DOCK1: variants seen among roughly 807,000 people sequenced by gnomAD.
DOCK1 encodes the protein dedicator of cytokinesis protein 1.
Under a neutral mutation model 262.7 loss-of-function variants are expected in DOCK1, and 138 were observed. That is an observed-to-expected ratio of 0.53 (90% CI 0.46 to 0.61). The LOEUF (loss-of-function observed/expected upper bound fraction) is 0.61, where lower values mean the gene tolerates loss of function less well. Among genes scored for constraint, DOCK1 ranks in the 20% least tolerant of loss-of-function variants. The pLI, the probability that DOCK1 is intolerant of heterozygous loss-of-function variation, is 0.00. For synonymous variants in DOCK1, 866 were observed against 867.4 expected (o/e 1.00, Z 0.03); for missense variants, 1,908 against 2,370.7 (o/e 0.80, Z 4.05).
intron 23 of DOCK1, among the ~76,000 whole-genome samples, chr10:127,073,390 G>A (rs1435538170): frequency 3.3e-5 from 5 of 152,160 alleles, no homozygotes; most frequent in African/African-American, 1.2e-4. Context: ...GGCACTACTC[G>A]ACTTCAAGTC....
intron 27 of DOCK1, among the ~76,000 whole-genome samples, chr10:127,220,189 G>T (rs192868651): frequency 5.3e-4 from 81 of 151,844 alleles, no homozygotes; most frequent in African/African-American, 1.9e-3. Flanking sequence ...GAAGTTGTCT[G>T]TCTCAGTTGA....
chr10:126,975,907 C>T (rs918599574), intron 2 of DOCK1, among the ~76,000 whole-genome samples: 2 of 152,118 alleles, frequency 1.3e-5, no homozygotes, highest in Admixed American at 6.5e-5. Flanking sequence ...GAGTAAGCCA[C>T]CACTCTTGGC....
intron 31 of DOCK1, among the ~76,000 whole-genome samples, chr10:127,348,764 T>G (rs2063755518): frequency 6.6e-6 from 1 of 152,160 alleles, no homozygotes; most frequent in Admixed American, 6.5e-5. Flanking sequence ...TGCAGAATCT[T>G]CTCCAGAAGA....
Position 127,100,623 on chromosome 10 carries a change from A to G in DOCK1, c.2446-5608A>G, listed in dbSNP as rs1352371297. On this transcript the variant is annotated intron_variant, in intron 23 of 51. Transcript: ENST00000623213. This position sits in a 1 kb window ranked among gnomAD's most constrained non-coding sequence, Gnocchi z 5.5. Reference sequence around the variant, plus strand: ...GGTCCCTTGTGGGATATGTGGAGGGACCCCGAGGAACCCACAGGCAAGGGG... The same window carrying G: ...GGTCCCTTGTGGGATATGTGGAGGGGCCCCGAGGAACCCACAGGCAAGGGG... Among the ~76,000 whole-genome samples, 2 of 151,502 alleles carry G rather than the reference A, an allele frequency of 1.3e-5. No homozygotes were observed. The highest frequency in any genetic ancestry group is 4.8e-5 in the African/African-American group (2 of 41,248).
intron 29 of DOCK1, among the ~76,000 whole-genome samples, chr10:127,302,963 T>A: frequency 6.6e-6 from 1 of 152,176 alleles, no homozygotes; most frequent in East Asian, 1.9e-4. Flanking sequence ...GACATTAAAT[T>A]TTTTACTGAA....
intron 29 of DOCK1, among the ~76,000 whole-genome samples, chr10:127,283,108 C>G (rs184613759): frequency 9.8e-4 from 149 of 152,354 alleles, no homozygotes; most frequent in African/African-American, 3.4e-3. Context: ...AGCTGCTGCA[C>G]CTCCTGCTTT....
chr10:127,286,835 T>A (rs1366594406), intron 29 of DOCK1, among the ~76,000 whole-genome samples: 2 of 152,046 alleles, frequency 1.3e-5, no homozygotes, highest in Non-Finnish European at 2.9e-5. Context: ...AAGTTTCCGA[T>A]AATCTTTAGG....
rs142295368 is a variant in DOCK1, at chr10:127,269,914, C to T, written c.3044+12485C>T. On this transcript the variant is annotated intron_variant, in intron 29 of 51. Coordinates refer to ENST00000623213, the MANE Select transcript of DOCK1 (RefSeq NM_001290223.2). ...GAATAGAGAGCTTGACGAGGAGGTC[C>T]TCAGTGAATGAATGCCAGCTCCTGA... 8.6e-4 allele frequency among the ~76,000 whole-genome samples: 131 copies of T among 152,340 alleles called. 2 individuals carry two copies. The highest frequency in any genetic ancestry group is 8.7e-4 in the Non-Finnish European group (59 of 68,028).
At chr10:127,373,196 G>A (rs1327836874) in intron 33 of DOCK1, among the ~76,000 whole-genome samples, 1 of 152,172 alleles carries the variant, frequency 6.6e-6, no homozygotes, top group Non-Finnish European at 1.5e-5. Context: ...AGAAGCTTTG[G>A]GGATGGAGGA....
At chr10:127,404,172 C>T (rs1453681350) in intron 39 of DOCK1, among the ~76,000 whole-genome samples, 153 bp from the exon 40 acceptor site, 1 of 152,086 alleles carries the variant, frequency 6.6e-6, no homozygotes, top group Non-Finnish European at 1.5e-5. Context: ...AGGTGCAAGC[C>T]TCAGTACCCT....
In DOCK1 at chr10:127,320,431, C is replaced by T. The variant is rs544079331; in HGVS notation, c.3045-18575C>T. Reference sequence around the variant, plus strand: ...ATGAGATGCCCAGGGCTCCCTTGAGCGCGGCCACGTGGCTGGGAACCTGTC... The same window carrying T: ...ATGAGATGCCCAGGGCTCCCTTGAGTGCGGCCACGTGGCTGGGAACCTGTC... On this transcript the variant is annotated intron_variant, in intron 29 of 51. Transcript: ENST00000623213. 2.3e-4 allele frequency among the ~76,000 whole-genome samples: 35 copies of T among 152,236 alleles called. 1 individual carries two copies. The East Asian group carries it at 6.0e-3, about 26-fold the overall frequency.
intron 29 of DOCK1, among the ~76,000 whole-genome samples, chr10:127,267,175 C>G (rs1024015625): frequency 6.6e-6 from 1 of 152,220 alleles, no homozygotes; most frequent in Non-Finnish European, 1.5e-5. Flanking sequence ...AGTTCTCTCT[C>G]AGCAGCTTTT....
chr10:127,427,955 C>T (rs1591014604), intron 47 of DOCK1, among the ~76,000 whole-genome samples: 2 of 152,230 alleles, frequency 1.3e-5, no homozygotes, highest in African/African-American at 4.8e-5. Context: ...CTGGAACTGC[C>T]AGCCCAGCGG....
intron 29 of DOCK1, among the ~76,000 whole-genome samples, chr10:127,303,464 G>A (rs903610477): frequency 1.3e-5 from 2 of 151,962 alleles, no homozygotes; most frequent in Non-Finnish European, 2.9e-5. Context: ...GTCAGTGCTC[G>A]ATTTAGTTTT....
At chr10:127,396,522 T>A (rs772937810) in intron 38 of DOCK1, among the ~76,000 whole-genome samples, 1 of 152,168 alleles carries the variant, frequency 6.6e-6, no homozygotes, top group Non-Finnish European at 1.5e-5. Context: ...TAAAGGATGG[T>A]CTGCACTTGC....
Position 127,388,230 on chromosome 10 carries a change from G to A in DOCK1, c.3927+3321G>A, listed in dbSNP as rs188886012. 1.6e-4 allele frequency among the ~76,000 whole-genome samples: 24 copies of A among 152,324 alleles called. No homozygotes were observed. In the East Asian group the frequency reaches 4.4e-3, roughly 28 times the overall value. Reference sequence around the variant, plus strand: ...TGGTGGAGACAGAACAAAGGCTATGGCAAAGTGATCATTGGCTGGCCTTGA... The same window carrying A: ...TGGTGGAGACAGAACAAAGGCTATGACAAAGTGATCATTGGCTGGCCTTGA... On this transcript the variant is annotated intron_variant, in intron 38 of 51. Coordinates refer to ENST00000623213, the MANE Select transcript of DOCK1 (RefSeq NM_001290223.2).
chr10:127,107,883 G>C (rs550005432), intron 24 of DOCK1, among the ~76,000 whole-genome samples: 1 of 152,214 alleles, frequency 6.6e-6, no homozygotes, highest in East Asian at 1.9e-4. Context: ...CTCCGCACCC[G>C]CGGAGGGGTA....
In DOCK1 at chr10:126,948,591, C is replaced by G. The variant is rs963880442; in HGVS notation, c.47-22111C>G. 3.0e-3 allele frequency among the ~76,000 whole-genome samples: 461 copies of G among 151,992 alleles called. 19 individuals are homozygous for G. The East Asian group carries it at 0.039, about 13-fold the overall frequency. On this transcript the variant is annotated intron_variant, in intron 1 of 51. Transcript: ENST00000623213. ...GATAGGCACCCTGAAACAGGGCCCT[C>G]AAAATGCTCCAGGCCACAGATGGAG...
At chr10:127,147,200 G>A (rs1165023983) in intron 27 of DOCK1, among the ~76,000 whole-genome samples, 6 of 152,176 alleles carry the variant, frequency 3.9e-5, no homozygotes, top group Admixed American at 3.9e-4. Context: ...TTGAGAAGCC[G>A]TCAAGGATTG....
Sources: allele counts gnomAD v4.1 joint callset (sites outside exome capture counted in the v4.1 genomes callset), GRCh38; gene constraint gnomAD v4.1.1; non-coding constraint Gnocchi (gnomAD v3.1); transcripts MANE v1.5; gene names NCBI Gene and HGNC (gene_info 2026-07-23, HGNC 2026-07-21).